The following DCC variants were observed in gnomAD, a reference collection of about 807,000 sequenced individuals.
DCC encodes DCC netrin 1 receptor, also known as netrin receptor DCC.
Under a neutral mutation model 172.5 loss-of-function variants are expected in DCC, and 58 were observed. That is an observed-to-expected ratio of 0.34 (90% confidence interval 0.27 to 0.42). The LOEUF (loss-of-function observed/expected upper bound fraction) is 0.42, where lower values mean the gene tolerates loss of function less well. Ranked by LOEUF, DCC falls within the 10% of genes least tolerant of loss-of-function variation. The probability of loss-of-function intolerance (pLI) is 1.00; values close to 1 mark genes in which losing one functional copy is unlikely to be tolerated. For missense variants in DCC, 1,740 were observed against 1,791.0 expected (o/e 0.97, Z 0.51); for synonymous variants, 709 against 644.5 (o/e 1.10, Z -1.52).
At chr18:52,851,531 CA>C (rs1568145324) in intron 2 of DCC, among the ~76,000 whole-genome samples, 1 of 152,006 alleles carries the variant, frequency 6.6e-6, no homozygotes, top group African/African-American at 2.4e-5. Flanking sequence ...AAAATCTAGT[CA>C]AAAAGTTTGT....
intron 1 of DCC, among the ~76,000 whole-genome samples, chr18:52,409,995 C>T (rs72918829): frequency 0.091 from 13,914 of 152,102 alleles, 850 homozygotes; most frequent in Middle Eastern, 0.18. Context: ...TCTAACTGAC[C>T]ACAGCAGCAT....
In DCC at chr18:52,895,718, A is replaced by G. The variant is rs188664924; in HGVS notation, c.413-10326A>G. ...TTACTATTTTAAATAACAATATTGA[A>G]TACATATGTAACTTTTCTTTTTGTA... On this transcript the variant is annotated intron_variant, in intron 2 of 28. Transcript: ENST00000442544. Among the ~76,000 whole-genome samples, 340 of 152,344 alleles carry G rather than the reference A, an allele frequency of 2.2e-3. 1 individual carries two copies. Among genetic ancestry groups the G allele is most frequent in the African/African-American group, 7.8e-3 (324 of 41,584 alleles).
At chr18:52,825,444 A>G (rs1054886914) in intron 2 of DCC, among the ~76,000 whole-genome samples, 3 of 152,160 alleles carry the variant, frequency 2.0e-5, no homozygotes, top group African/African-American at 4.8e-5. Context: ...TGCACCTAAC[A>G]TGTGGAAATT....
chr18:53,423,818 T>A (rs1180902565), intron 21 of DCC, among the ~76,000 whole-genome samples: 2 of 152,214 alleles, frequency 1.3e-5, no homozygotes, highest in Non-Finnish European at 2.9e-5. Flanking sequence ...ATTTAGAATT[T>A]ATCCTATTTT....
intron 2 of DCC, among the ~76,000 whole-genome samples, chr18:52,846,220 G>A (rs879765181): frequency 2.0e-5 from 3 of 152,134 alleles, no homozygotes; most frequent in Non-Finnish European, 2.9e-5. Flanking sequence ...AAGGGAAAGA[G>A]TTTAATGAAG....
At chr18:53,220,734 T>C (rs987830701) in intron 12 of DCC, among the ~76,000 whole-genome samples, 4 of 152,192 alleles carry the variant, frequency 2.6e-5, no homozygotes, top group Admixed American at 6.6e-5. Flanking sequence ...GCCCTAGTTA[T>C]CCATCCATTT....
At chr18:53,069,751 A>T (rs984989364) in intron 7 of DCC, among the ~76,000 whole-genome samples, 6 of 152,172 alleles carry the variant, frequency 3.9e-5, no homozygotes, top group Non-Finnish European at 8.8e-5. Flanking sequence ...AGGAAGCCCT[A>T]AATAGAAGGG....
intron 2 of DCC, among the ~76,000 whole-genome samples, chr18:52,790,293 T>G (rs2037737055): frequency 6.6e-6 from 1 of 152,326 alleles, no homozygotes; most frequent in South Asian, 2.1e-4. Flanking sequence ...ATATGTTTTC[T>G]TTTGACAGAA....
At chr18:52,893,598 G>A (rs1002883670) in intron 2 of DCC, among the ~76,000 whole-genome samples, 2 of 152,064 alleles carry the variant, frequency 1.3e-5, no homozygotes, top group Non-Finnish European at 1.5e-5. Context: ...GTTTCCTTCA[G>A]AAAATATGCT....
intron 8 of DCC, among the ~76,000 whole-genome samples, chr18:53,161,610 C>G (rs902189845): frequency 2.0e-5 from 3 of 152,124 alleles, no homozygotes; most frequent in African/African-American, 7.2e-5. Flanking sequence ...CATCAATATC[C>G]CACGAGCATC....
intron 1 of DCC, among the ~76,000 whole-genome samples, chr18:52,699,057 C>A (rs2036061531): frequency 6.6e-6 from 1 of 152,166 alleles, no homozygotes; most frequent in African/African-American, 2.4e-5. Context: ...AAGTGAATAA[C>A]TGAATGAACA....
chr18:52,966,462 G>GGGGGATA, intron 5 of DCC, among the ~76,000 whole-genome samples: 1 of 152,058 alleles, frequency 6.6e-6, no homozygotes. Context: ...GTCCATCTCT[G>GGGGGATA]CTGTGCAGTA....
chr18:53,032,607 G>GA (rs1167386484), intron 5 of DCC, among the ~76,000 whole-genome samples: 1 of 152,112 alleles, frequency 6.6e-6, no homozygotes, highest in Non-Finnish European at 1.5e-5. Context: ...CCTGAAATAA[G>GA]AAAATCTCAA....
At chr18:53,007,404 AC>A (rs2041662638) in intron 5 of DCC, among the ~76,000 whole-genome samples, 2 of 152,182 alleles carry the variant, frequency 1.3e-5, no homozygotes, top group Admixed American at 1.3e-4. Flanking sequence ...CCATTACTTG[AC>A]AAAAATAGAC....
chr18:52,486,835 A>C (rs1340978584), intron 1 of DCC, among the ~76,000 whole-genome samples: 2 of 152,158 alleles, frequency 1.3e-5, no homozygotes, highest in Non-Finnish European at 2.9e-5. Flanking sequence ...TGGCAGCTAC[A>C]CAAGTGAATC....
intron 1 of DCC, among the ~76,000 whole-genome samples, chr18:52,559,154 C>G (rs951207112): frequency 6.6e-6 from 1 of 152,152 alleles, no homozygotes. Context: ...CTCTGTCACC[C>G]AGGCTGGAGT....
At chr18:52,863,715 T>G (rs2039178945) in intron 2 of DCC, among the ~76,000 whole-genome samples, 1 of 151,882 alleles carries the variant, frequency 6.6e-6, no homozygotes, top group African/African-American at 2.4e-5. Flanking sequence ...GTTTATCTCA[T>G]TTACAGCTAT....
At chr18:53,019,793 T>TTGCTTTTG (rs1429979779) in intron 5 of DCC, among the ~76,000 whole-genome samples, 1 of 152,164 alleles carries the variant, frequency 6.6e-6, no homozygotes, top group Non-Finnish European at 1.5e-5. Flanking sequence ...TTATGTATGG[T>TTGCTTTTG]TGCTTTTGTG....
Position 52,603,548 on chromosome 18 carries a change from T to A in DCC, c.92-148506T>A, listed in dbSNP as rs540620204. Among the ~76,000 whole-genome samples the A allele has an allele frequency of 8.6e-5, 13 of 151,270 alleles. No homozygotes were observed. In the East Asian group the frequency reaches 1.9e-3, roughly 23 times the overall value. ...AACTTAAAAAGTTGAGATTATTTTT[T>A]AAAAAAATAAACGTATTTAGAAACC... is the stretch of plus-strand genomic sequence containing the variant. On this transcript the variant is annotated intron_variant, in intron 1 of 28. Coordinates refer to ENST00000442544, the MANE Select transcript of DCC (RefSeq NM_005215.4).
Sources: allele counts gnomAD v4.1 joint callset (sites outside exome capture counted in the v4.1 genomes callset), GRCh38; gene constraint gnomAD v4.1.1; transcripts MANE v1.5; gene names NCBI Gene and HGNC (gene_info 2026-07-23, HGNC 2026-07-21).